EVL: variants seen among roughly 807,000 people sequenced by gnomAD.
EVL encodes ena/VASP-like protein.
A neutral mutation model predicts 59.6 loss-of-function variants in EVL; 21 were observed. That is an observed-to-expected ratio of 0.35 (90% confidence interval 0.25 to 0.51). The LOEUF is 0.51. EVL is among the 20% of genes least tolerant of loss of function. The probability of loss-of-function intolerance (pLI) is 0.97; values close to 1 mark genes in which losing one functional copy is unlikely to be tolerated. For missense variants in EVL, 462 were observed against 546.6 expected, an observed-to-expected ratio of 0.85 and a Z score of 1.54; for synonymous variants, 198 against 203.5, an observed-to-expected ratio of 0.97 and a Z score of 0.23.
At chr14:100,132,985 C>T (rs1044504173) in intron 8 of EVL, among the ~76,000 whole-genome samples, 3 of 152,208 alleles carry the variant, frequency 2.0e-5, no homozygotes, top group African/African-American at 7.2e-5. Flanking sequence ...ACTGAGCACC[C>T]CCTACCAGAC....
At position 100,141,882 on chromosome 14, in the gene EVL, G is replaced by T. The variant is rs139547204; in HGVS notation, c.1219+89G>T. Reference sequence around the variant, plus strand: ...ACCCAGGCTGGGGGCCTCCAGTTTTGAGCTGGAGCCCATACTGCACTGGGC... The same window carrying T: ...ACCCAGGCTGGGGGCCTCCAGTTTTTAGCTGGAGCCCATACTGCACTGGGC... On this transcript the variant is annotated intron_variant, in intron 13 of 13. Coordinates refer to ENST00000392920, the MANE Select transcript of EVL (RefSeq NM_016337.3). 401 of 1,217,644 alleles carry T rather than the reference G, an allele frequency of 3.3e-4. 4 individuals are homozygous for T. In the African/African-American group the frequency reaches 5.4e-3, roughly 16 times the overall value. 75.4% of individuals were successfully genotyped at this position (1,217,644 alleles called of 1,614,324 possible). A position where few individuals can be genotyped will look rare whatever the true frequency, so the allele number is the denominator to read the frequency against.
rs376906212 is a variant in EVL at position 100,104,973 on chromosome 14, G to C, written c.358+7315G>C. 3.0e-4 allele frequency among the ~76,000 whole-genome samples: 44 copies of C among 147,346 alleles called. 1 individual carries two copies. In the East Asian group the frequency reaches 8.2e-3, roughly 27 times the overall value. ...GTAGCTGAAGGAGAAGAAGGGATGG[G>C]AGCTGGCCTCACAGAGGGCTTTGTA... On this transcript the variant is annotated intron_variant, in intron 3 of 13. Transcript: ENST00000392920.
In EVL at chr14:100,075,865, G is replaced by A. The variant is rs140831431; in HGVS notation, c.12-8822G>A. Among the ~76,000 whole-genome samples the A allele has an allele frequency of 2.0e-4, 31 of 152,208 alleles. 1 individual carries two copies. In the East Asian group the frequency reaches 2.5e-3, roughly 12 times the overall value. ...AGACCATGCTATTTTTATCAGCTCC[G>A]GTTTACAGACAATAACTCCTCCTAC... On this transcript the variant is annotated intron_variant, in intron 1 of 13. Coordinates refer to ENST00000392920, the MANE Select transcript of EVL (RefSeq NM_016337.3).
At chr14:100,088,987 T>G (rs2062506388) in intron 2 of EVL, among the ~76,000 whole-genome samples, 1 of 152,138 alleles carries the variant, frequency 6.6e-6, no homozygotes, top group Non-Finnish European at 1.5e-5. Context: ...CAAAAGAAAT[T>G]GATGTGGCTA....
intron 3 of EVL, among the ~76,000 whole-genome samples, chr14:100,105,445 T>A (rs1442680529): frequency 2.0e-5 from 3 of 151,922 alleles, no homozygotes; most frequent in Non-Finnish European, 4.4e-5. Flanking sequence ...CTAGTGACAT[T>A]TTCGAGCCTC....
chr14:100,046,302 A>T (rs1030982022), intron 1 of EVL, among the ~76,000 whole-genome samples: 17 of 152,232 alleles, frequency 1.1e-4, no homozygotes, highest in Admixed American at 3.9e-4. Flanking sequence ...CAATGAGTAT[A>T]TATGAGGCTT....
intron 1 of EVL, among the ~76,000 whole-genome samples, 199 bp downstream of exon 1, chr14:100,065,710 C>CCAT (rs1391289640): frequency 6.6e-6 from 1 of 152,160 alleles, no homozygotes; most frequent in Non-Finnish European, 1.5e-5. Flanking sequence ...GCTGGTCTTT[C>CCAT]CATTACACAG....
At chr14:100,070,204 C>A (rs543307121) in intron 1 of EVL, among the ~76,000 whole-genome samples, 1 of 152,118 alleles carries the variant, frequency 6.6e-6, no homozygotes, top group Non-Finnish European at 1.5e-5. Flanking sequence ...GCAGTTCAAG[C>A]CTGCAGTGAG....
At chr14:100,119,325 C>T (rs953669957) in intron 3 of EVL, among the ~76,000 whole-genome samples, 1 of 152,178 alleles carries the variant, frequency 6.6e-6, no homozygotes, top group African/African-American at 2.4e-5. Context: ...GTTGGAGTCC[C>T]AGGTGAATGG....
chr14:100,119,122 C>G (rs1158781464), intron 3 of EVL, among the ~76,000 whole-genome samples: 1 of 152,246 alleles, frequency 6.6e-6, no homozygotes, highest in Non-Finnish European at 1.5e-5. Context: ...TGCCCAGCCA[C>G]CCTGCTCTTG....
intron 1 of EVL, among the ~76,000 whole-genome samples, chr14:100,012,822 T>G (rs922090538): frequency 3.3e-5 from 5 of 152,224 alleles, no homozygotes; most frequent in African/African-American, 9.6e-5. Flanking sequence ...AATTGAGTTG[T>G]GAGAAAAACC....
chr14:99,979,508 C>T (rs2060792744), intron 1 of EVL, among the ~76,000 whole-genome samples: 1 of 151,598 alleles, frequency 6.6e-6, no homozygotes, highest in South Asian at 2.1e-4. Flanking sequence ...TGAAGTTGGC[C>T]CTCTGTGTCT....
intron 1 of EVL, among the ~76,000 whole-genome samples, chr14:100,070,528 C>T (rs751673904): frequency 2.0e-5 from 3 of 152,220 alleles, no homozygotes; most frequent in Non-Finnish European, 4.4e-5. Flanking sequence ...CCCGTGCCTG[C>T]GTGCGTATCT....
chr14:99,971,732 T>C (rs2060733349), exon 1 of EVL: 1 of 139,642 alleles, frequency 7.2e-6, no homozygotes, highest in African/African-American at 2.7e-5. Context: ...CCCAGCCGGC[T>C]CGCCCCCCGC....
chr14:100,096,762 C>T (rs1885842487), intron 2 of EVL, among the ~76,000 whole-genome samples: 1 of 152,162 alleles, frequency 6.6e-6, no homozygotes, highest in Admixed American at 6.5e-5. Context: ...GTGTTGAATC[C>T]CCTAGCAGCT....
chr14:100,038,485 C>T (rs553037851), intron 1 of EVL, among the ~76,000 whole-genome samples: 75 of 152,350 alleles, frequency 4.9e-4, no homozygotes, highest in African/African-American at 1.8e-3. Flanking sequence ...GTGGTCTGGA[C>T]AGCCAGGGCT....
intron 3 of EVL, among the ~76,000 whole-genome samples, chr14:100,112,418 A>G (rs999900324): frequency 1.3e-5 from 2 of 152,176 alleles, no homozygotes; most frequent in Non-Finnish European, 2.9e-5. Context: ...TTCACCTCTC[A>G]GTCAGGTCTC....
At chr14:100,143,022 G>A (rs894798486) in intron 13 of EVL, among the ~76,000 whole-genome samples, 3 of 152,224 alleles carry the variant, frequency 2.0e-5, no homozygotes, top group Non-Finnish European at 2.9e-5. Flanking sequence ...GTTGGCTCTT[G>A]GCCCAGCAAG....
intron 1 of EVL, chr14:100,052,818 T>C (rs1425369721): frequency 6.6e-6 from 1 of 152,176 alleles, no homozygotes; most frequent in African/African-American, 2.4e-5. Flanking sequence ...TGTATTAGTC[T>C]GCTTGGGCTG....
Sources: gnomAD v4.1 joint callset for allele counts (sites outside exome capture counted in the v4.1 genomes callset) on GRCh38, gnomAD v4.1.1 for gene constraint, MANE v1.5 for transcripts, NCBI Gene and HGNC (gene_info 2026-07-23, HGNC 2026-07-21) for gene names.